The following ACO2 variants were observed in gnomAD, a reference collection of about 807,000 sequenced individuals.
ACO2 encodes the protein aconitate hydratase, mitochondrial.
Under a neutral mutation model 84.5 loss-of-function variants are expected in ACO2, and 31 were observed. That is an observed-to-expected ratio of 0.37 (90% CI 0.28 to 0.50). The LOEUF is 0.50. ACO2 is among the 20% of genes least tolerant of loss of function. The pLI is 0.97. For missense variants in ACO2, 685 were observed against 1,029.3 expected, an observed-to-expected ratio of 0.67 and a Z score of 4.58; for synonymous variants, 414 against 412.7, an observed-to-expected ratio of 1.00 and a Z score of -0.04.
In ACO2 at chr22:41,526,447, C is replaced by A; in HGVS notation, c.1947C>A (p.Tyr649Ter). 6.2e-7 allele frequency: 1 copy of A among 1,611,634 alleles called. No homozygotes were observed. Among genetic ancestry groups the A allele is most frequent in the Non-Finnish European group, 8.5e-7 (1 of 1,178,428 alleles). ...EFGPVPDTAR[Y>*]YKKHGIRWVV... is the part of the protein sequence containing the mutation. The stretch of plus-strand genomic sequence containing the variant: ...GCCCCGTCCCTGACACTGCCCGCTA[C>A]TACAAGGTGGGTCAGAGTTGATAGG... The change falls in exon 15 of 18, where the codon TAC (tyrosine) becomes TAA (stop). Residue 649 changes from tyrosine (Y) to a stop codon, truncating the protein, a stop_gained. Coordinates refer to ENST00000216254, the MANE Select transcript of ACO2 (RefSeq NM_001098.3). LOFTEE classifies it high-confidence loss of function.
chr22:41,498,544 G>T (rs1050902854), intron 1 of ACO2, among the ~76,000 whole-genome samples: 1 of 152,144 alleles, frequency 6.6e-6, no homozygotes, highest in Admixed American at 6.6e-5. Context: ...GTTGAACCGG[G>T]GCTGGAGCAT....
chr22:41,478,764 C>CCT (rs2038050318), intron 1 of ACO2, among the ~76,000 whole-genome samples: 9 of 125,894 alleles, frequency 7.1e-5, no homozygotes, highest in Non-Finnish European at 8.5e-5. Context: ...CACATATCTT[C>CCT]TTTTTTTTTT....
intron 9 of ACO2, among the ~76,000 whole-genome samples, chr22:41,520,489 T>A (rs2066515197): frequency 6.6e-6 from 1 of 152,116 alleles, no homozygotes; most frequent in Non-Finnish European, 1.5e-5. Context: ...GTGGATTACT[T>A]GAGTCTAGGG....
At chr22:41,524,315 G>C (rs975257356) in intron 12 of ACO2, among the ~76,000 whole-genome samples, 1 of 152,218 alleles carries the variant, frequency 6.6e-6, no homozygotes, top group African/African-American at 2.4e-5. Flanking sequence ...TCCAACCCCA[G>C]GTAGGAGTTC....
chr22:41,505,347 G>T (rs1265867119), intron 2 of ACO2, among the ~76,000 whole-genome samples: 1 of 152,094 alleles, frequency 6.6e-6, no homozygotes, highest in Non-Finnish European at 1.5e-5. Context: ...AGCCTGAAAG[G>T]TTGAGGCTGC....
chr22:41,519,586 A>G (rs1031514279), intron 8 of ACO2, among the ~76,000 whole-genome samples: 6 of 152,122 alleles, frequency 3.9e-5, no homozygotes, highest in Admixed American at 2.0e-4. Flanking sequence ...CGGGCAGATC[A>G]TGAGGTCAGG....
chr22:41,505,600 G>A (rs1425715081), intron 2 of ACO2, among the ~76,000 whole-genome samples: 1 of 152,146 alleles, frequency 6.6e-6, no homozygotes, highest in East Asian at 1.9e-4. Context: ...TTCGTGGTCT[G>A]GAGCAAAGCT....
intron 3 of ACO2, among the ~76,000 whole-genome samples, chr22:41,510,071 G>C (rs913806444): frequency 6.6e-6 from 1 of 152,098 alleles, no homozygotes; most frequent in Non-Finnish European, 1.5e-5. Context: ...CCTGACCTCA[G>C]GTGATCCACC....
intron 1 of ACO2, among the ~76,000 whole-genome samples, chr22:41,495,193 A>G (rs1463652546): frequency 6.6e-6 from 1 of 151,708 alleles, no homozygotes; most frequent in Non-Finnish European, 1.5e-5. Context: ...TGCTCAGCTA[A>G]TTTATGTTTT....
chr22:41,523,942 G>C lies in ACO2; in HGVS notation c.1482+1G>C. 6.2e-7 allele frequency: 1 copy of C among 1,613,168 alleles called. No homozygotes were observed. The highest frequency in any genetic ancestry group is 8.5e-7 in the Non-Finnish European group (1 of 1,179,758). ...CCATGCCTTTGTCACGTCCCCAGAG[G>C]TGAGACTGCCCAGCTGCGCACAAGC... On this transcript the variant is annotated splice_donor_variant, in intron 12 of 17. Transcript: ENST00000216254. LOFTEE classifies it high-confidence loss of function.
At chr22:41,526,736 G>A in intron 15 of ACO2, 1 of 392,054 alleles carries the variant, frequency 2.6e-6, no homozygotes, top group Non-Finnish European at 4.6e-6. Context: ...GGCCGACTCA[G>A]GAAGTCAGAG....
rs1300721589 is a variant in ACO2 at position 41,520,220 on chromosome 22, T to A, written c.1082T>A (p.Val361Glu). Residue 361 changes from valine (V) to glutamate (E), a missense_variant, in exon 9 of 18, where the codon GTG (valine) becomes GAG (glutamate). Val to Glu is a moderately radical substitution (Grantham distance 121). Coordinates refer to ENST00000216254, the MANE Select transcript of ACO2 (RefSeq NM_001098.3). ...GPFTPDLAHP[V>E]AEVGKVAEKE... ...TTCACCCCTGACCTGGCTCACCCTG[T>A]GGCAGAAGTGGGCAAGGTGGCAGAG... 6.2e-7 allele frequency: 1 copy of A among 1,614,008 alleles called. No individual in the cohort carries two copies. The highest frequency in any genetic ancestry group is 8.5e-7 in the Non-Finnish European group (1 of 1,179,922).
intron 11 of ACO2, 75 bp from the exon 12 acceptor site, chr22:41,523,755 C>T (rs1369360922): frequency 7.3e-7 from 1 of 1,360,734 alleles, no homozygotes; most frequent in Non-Finnish European, 1.0e-6. Flanking sequence ...CCACAGGAAC[C>T]CAGCTTATCT....
chr22:41,523,160 ACT>A (rs1220393922), intron 10 of ACO2, 43 bp from the exon 11 acceptor site: 5 of 1,573,442 alleles, frequency 3.2e-6, no homozygotes, highest in African/African-American at 1.4e-5. Context: ...TTCCCATCAG[ACT>A]CTCACCCACC....
intron 1 of ACO2, among the ~76,000 whole-genome samples, chr22:41,473,320 C>A (rs2037968203): frequency 6.6e-6 from 1 of 152,152 alleles, no homozygotes; most frequent in Non-Finnish European, 1.5e-5. Context: ...GCCTGGCCAA[C>A]ATGGTGAAAC....
chr22:41,482,313 ACT>A (rs2038097443), intron 1 of ACO2, among the ~76,000 whole-genome samples: 1 of 152,242 alleles, frequency 6.6e-6, no homozygotes, highest in African/African-American at 2.4e-5. Flanking sequence ...GTTGGGAGAC[ACT>A]GTCGGTAGCA....
intron 1 of ACO2, among the ~76,000 whole-genome samples, chr22:41,482,832 G>A (rs2038104491): frequency 6.6e-6 from 1 of 152,216 alleles, no homozygotes; most frequent in Admixed American, 6.5e-5. Context: ...ACCACAGAAG[G>A]TTATACAGCT....
At chr22:41,519,326 G>C (rs955371642) in intron 8 of ACO2, among the ~76,000 whole-genome samples, 2 of 152,198 alleles carry the variant, frequency 1.3e-5, no homozygotes, top group African/African-American at 4.8e-5. Context: ...CCTTGGTCAC[G>C]CACTTAGCCT....
chr22:41,504,076 C>A (rs1601905514), intron 2 of ACO2, among the ~76,000 whole-genome samples: 1 of 151,938 alleles, frequency 6.6e-6, no homozygotes, highest in East Asian at 1.9e-4. Context: ...ATTAGTCAGG[C>A]ATGGTGGCGA....
Sources: gnomAD v4.1 joint callset for allele counts (sites outside exome capture counted in the v4.1 genomes callset) on GRCh38, gnomAD v4.1.1 for gene constraint, MANE v1.5 for transcripts, NCBI Gene and HGNC (gene_info 2026-07-23, HGNC 2026-07-21) for gene names.